The following LARP4B variants were observed in gnomAD, a reference collection of about 807,000 sequenced individuals.
LARP4B encodes La ribonucleoprotein 4B.
A neutral mutation model predicts 89.8 loss-of-function variants in LARP4B; 12 were observed. The observed-to-expected ratio is 0.13, with a 90% CI of 0.09 to 0.22. The LOEUF is 0.22. Among genes scored for constraint, LARP4B ranks in the 10% least tolerant of loss-of-function variants. The pLI is 1.00. For missense variants in LARP4B, 757 were observed against 947.7 expected, an observed-to-expected ratio of 0.80 and a Z score of 2.64; for synonymous variants, 367 against 363.3, an observed-to-expected ratio of 1.01 and a Z score of -0.12.
At chr10:846,773 C>A (rs1224070237) in intron 5 of LARP4B, among the ~76,000 whole-genome samples, 1 of 152,022 alleles carries the variant, frequency 6.6e-6, no homozygotes, top group East Asian at 1.9e-4. Flanking sequence ...ACTCTCCAAG[C>A]GATAGGTGGT....
upstream of LARP4B, among the ~76,000 whole-genome samples, chr10:934,068 G>C (rs1044848425): frequency 2.6e-5 from 4 of 151,804 alleles, no homozygotes; most frequent in Non-Finnish European, 5.9e-5. Context: ...TCCTGACCTC[G>C]TGATCCGCCT....
intron 1 of LARP4B, among the ~76,000 whole-genome samples, chr10:910,289 C>T (rs1348655686): frequency 2.6e-5 from 4 of 152,170 alleles, no homozygotes; most frequent in Non-Finnish European, 4.4e-5. Flanking sequence ...AATCCATACA[C>T]CTGGGCTGCA....
chr10:939,396 T>A, the LARP4B span, among the ~76,000 whole-genome samples: 1 of 152,250 alleles, frequency 6.6e-6, no homozygotes, highest in African/African-American at 2.4e-5. Flanking sequence ...TCTGCTGTGA[T>A]GTATTTTATA....
At chr10:987,411 T>C in the LARP4B span, 2 of 152,138 alleles carry the variant, frequency 1.3e-5, no homozygotes, top group Non-Finnish European at 2.9e-5. Context: ...CCCAGATGCG[T>C]GAGAAGCAGT....
At position 864,145 on chromosome 10, in the gene LARP4B, G is replaced by A; in HGVS notation, c.267C>T (p.His89=). ...VSAAWEEVAG[H]HADRGPQGSD... is the part of the protein sequence containing the mutation. The stretch of plus-strand genomic sequence containing the variant: ...TACCCTGCGGGCCACGGTCTGCGTG[G>A]TGGCCAGCCACCTCCTCCCATGCAG... Residue 89 remains histidine, a synonymous_variant, in exon 4 of 18, where the codon CAC becomes CAT. Coordinates refer to ENST00000316157, the MANE Select transcript of LARP4B (RefSeq NM_015155.3). 6.2e-7 allele frequency: 1 copy of A among 1,614,206 alleles called. No individual in the cohort carries two copies. Among genetic ancestry groups the A allele is most frequent in the Non-Finnish European group, 8.5e-7 (1 of 1,180,030 alleles).
chr10:945,212 C>T, the LARP4B span, among the ~76,000 whole-genome samples: 1 of 151,148 alleles, frequency 6.6e-6, no homozygotes, highest in African/African-American at 2.4e-5. Context: ...GGTGAAACCT[C>T]GTCTCTACTA....
chr10:824,455 C>T (rs1217060127), intron 13 of LARP4B, among the ~76,000 whole-genome samples: 2 of 152,112 alleles, frequency 1.3e-5, no homozygotes, highest in East Asian at 1.9e-4. Flanking sequence ...ATCATGCCAA[C>T]GTACCCCAGC....
chr10:976,032 G>C, the LARP4B span, among the ~76,000 whole-genome samples: 2 of 112,016 alleles, frequency 1.8e-5, no homozygotes, highest in African/African-American at 6.2e-5. Context: ...GGCCTGTCGT[G>C]CAACGTGTGG....
At chr10:939,297 G>T in the LARP4B span, among the ~76,000 whole-genome samples, 1 of 152,222 alleles carries the variant, frequency 6.6e-6, no homozygotes, top group Non-Finnish European at 1.5e-5. Context: ...AGGGATGAAG[G>T]AACCGCAAGG....
At chr10:873,445 A>G (rs924207782) in intron 3 of LARP4B, 1 of 981,078 alleles carries the variant, frequency 1.0e-6, no homozygotes, top group South Asian at 4.7e-5. Flanking sequence ...AATAAAACAT[A>G]ACTTAAAATA....
In LARP4B at chr10:880,519, C is replaced by T. The variant is rs534145313; in HGVS notation, c.141+3928G>A. ...TGGGCAACATGGCGAAACCCCATCT[C>T]TACGAAAAATACAAAAATTAGCCAA... On this transcript the variant is annotated intron_variant, in intron 3 of 17. Coordinates refer to ENST00000316157, the MANE Select transcript of LARP4B (RefSeq NM_015155.3). Among the ~76,000 whole-genome samples, 15 of 152,172 alleles carry T rather than the reference C, an allele frequency of 9.9e-5. No individual in the cohort carries two copies. The East Asian group carries it at 2.5e-3, about 26-fold the overall frequency.
chr10:978,932 A>AC, the LARP4B span, among the ~76,000 whole-genome samples: 18 of 148,134 alleles, frequency 1.2e-4, no homozygotes, highest in Admixed American at 4.0e-4. Flanking sequence ...TTTGTTTCCC[A>AC]CCCCCCCTCC....
intron 6 of LARP4B, 74 bp downstream of exon 6, chr10:844,903 A>T: frequency 9.3e-7 from 1 of 1,075,652 alleles, no homozygotes; most frequent in Non-Finnish European, 1.4e-6. Flanking sequence ...ATAAAATATC[A>T]CATTTGTATA....
intron 1 of LARP4B, 89 bp downstream of exon 1, chr10:931,339 C>G (rs1271805978): frequency 6.6e-6 from 1 of 151,204 alleles, no homozygotes; most frequent in East Asian, 1.9e-4. Flanking sequence ...CCGCGTCCTC[C>G]GGGAAGATGG....
At chr10:914,180 T>C (rs1463309332) in intron 1 of LARP4B, among the ~76,000 whole-genome samples, 1 of 152,166 alleles carries the variant, frequency 6.6e-6, no homozygotes, top group Non-Finnish European at 1.5e-5. Flanking sequence ...CAGTTCAAAA[T>C]TACTTCCTGG....
chr10:941,307 T>TTTTGTTTG, the LARP4B span, among the ~76,000 whole-genome samples: 1,209 of 151,728 alleles, frequency 8.0e-3, 4 homozygotes, highest in African/African-American at 0.014. Context: ...GCTTACTTTG[T>TTTTGTTTG]TTTGTTTGTT....
At chr10:902,725 A>G (rs769435269) in intron 1 of LARP4B, among the ~76,000 whole-genome samples, 3 of 151,118 alleles carry the variant, frequency 2.0e-5, no homozygotes, top group Non-Finnish European at 4.4e-5. Flanking sequence ...GCTCACTGCA[A>G]CCTCCACATC....
chr10:823,704 C>G (rs1267681414), intron 13 of LARP4B, among the ~76,000 whole-genome samples: 1 of 151,826 alleles, frequency 6.6e-6, no homozygotes, highest in African/African-American at 2.4e-5. Context: ...AGTCTGAGCC[C>G]CAGCTCTGCA....
At chr10:949,004 G>A in the LARP4B span, among the ~76,000 whole-genome samples, 22 of 152,344 alleles carry the variant, frequency 1.4e-4, no homozygotes, top group Non-Finnish European at 2.4e-4. Flanking sequence ...CGTTTTCTCC[G>A]GGATGAACAC....
Sources: allele counts gnomAD v4.1 joint callset (sites outside exome capture counted in the v4.1 genomes callset), GRCh38; gene constraint gnomAD v4.1.1; transcripts MANE v1.5; gene names NCBI Gene and HGNC (gene_info 2026-07-23, HGNC 2026-07-21).